Variants in DLGAP2 observed in about 807,000 individuals in gnomAD.
DLGAP2 encodes the protein DLG associated protein 2, also known as disks large-associated protein 2.
In DLGAP2, 26 loss-of-function variants were observed where a neutral mutation model predicts 100.3. That is an observed-to-expected ratio of 0.26 (90% CI 0.19 to 0.36). The LOEUF (loss-of-function observed/expected upper bound fraction) is 0.36. Among genes scored for constraint, DLGAP2 ranks in the 10% least tolerant of loss-of-function variants. DLGAP2 has a pLI of 1.00. For missense variants in DLGAP2, 1,858 were observed against 1,453.2 expected, an observed-to-expected ratio of 1.28 and a Z score of -4.53; for synonymous variants, 886 against 630.1, an observed-to-expected ratio of 1.41 and a Z score of -6.08.
intron 1 of DLGAP2, among the ~76,000 whole-genome samples, chr8:856,126 C>T (rs915067448): frequency 1.3e-5 from 2 of 148,732 alleles, no homozygotes. Context: ...CAACAGATGA[C>T]ATGATTATTT....
intron 2 of DLGAP2, among the ~76,000 whole-genome samples, chr8:1,076,962 G>A (rs1328828765): frequency 3.1e-4 from 46 of 146,102 alleles, no homozygotes; most frequent in Non-Finnish European, 3.0e-5. Flanking sequence ...AAGACCAAGA[G>A]GGGGAGGAGG....
At chr8:761,008 T>A (rs529764233) in intron 1 of DLGAP2, among the ~76,000 whole-genome samples, 1 of 152,310 alleles carries the variant, frequency 6.6e-6, no homozygotes, top group South Asian at 2.1e-4. Flanking sequence ...GGGGGACATA[T>A]GAGGACTGGC....
chr8:1,701,384 C>A lies in DLGAP2; in HGVS notation c.3146C>A (p.Pro1049His). Residue 1049 changes from proline to histidine, a missense_variant, in exon 15 of 15, where the codon CCC becomes CAC. By Grantham distance (77) the Pro-to-His change is moderately conservative. Transcript: ENST00000637795. ...ERADSIEIYI[P>H]EAQTRL The stretch of plus-strand genomic sequence containing the variant: ...GCGGACAGCATCGAGATCTACATCC[C>A]CGAGGCCCAGACCCGGCTCTGAGGG... The A allele has an allele frequency of 6.3e-7, 1 of 1,596,168 alleles. No homozygotes were observed. The highest frequency in any genetic ancestry group is 2.3e-5 in the East Asian group (1 of 43,908).
At chr8:1,405,395 G>A (rs1796556693) in intron 3 of DLGAP2, among the ~76,000 whole-genome samples, 1 of 17,194 alleles carries the variant, frequency 5.8e-5, no homozygotes, top group Non-Finnish European at 1.1e-4. Flanking sequence ...TCGTCCTCCA[G>A]AGTCGTGTAT....
chr8:1,497,518 G>A (rs1007749442), intron 3 of DLGAP2, among the ~76,000 whole-genome samples: 2 of 152,140 alleles, frequency 1.3e-5, no homozygotes, highest in Admixed American at 6.5e-5. Context: ...TCCCTTATAC[G>A]AGGAGGCCAG....
At chr8:1,326,475 G>C (rs191440345) in intron 3 of DLGAP2, among the ~76,000 whole-genome samples, 1 of 151,406 alleles carries the variant, frequency 6.6e-6, no homozygotes, top group Admixed American at 6.6e-5. Context: ...CATGGCACGC[G>C]CTCGGTCTCG....
At chr8:1,198,350 G>C (rs184616649) in intron 2 of DLGAP2, among the ~76,000 whole-genome samples, 1 of 152,176 alleles carries the variant, frequency 6.6e-6, no homozygotes, top group Non-Finnish European at 1.5e-5. Flanking sequence ...CAACAGCTTC[G>C]TCGTGGGGCG....
At chr8:1,335,832 A>C (rs1382352049) in intron 3 of DLGAP2, among the ~76,000 whole-genome samples, 1 of 152,228 alleles carries the variant, frequency 6.6e-6, no homozygotes, top group African/African-American at 2.4e-5. Context: ...GATAAATAAG[A>C]AAATGTGGCT....
intron 2 of DLGAP2, among the ~76,000 whole-genome samples, chr8:1,196,516 T>C (rs771059618): frequency 6.6e-6 from 1 of 152,206 alleles, no homozygotes; most frequent in Non-Finnish European, 1.5e-5. Context: ...GAACAAGTCG[T>C]CTGTGATTTT....
At chr8:750,793 T>C (rs1306122542) in intron 1 of DLGAP2, among the ~76,000 whole-genome samples, 1 of 152,228 alleles carries the variant, frequency 6.6e-6, no homozygotes, top group Non-Finnish European at 1.5e-5. Flanking sequence ...TATAATGAGA[T>C]GTAGATTCCC....
At chr8:987,067 T>C (rs1266276330) in intron 2 of DLGAP2, among the ~76,000 whole-genome samples, 1 of 152,218 alleles carries the variant, frequency 6.6e-6, no homozygotes, top group African/African-American at 2.4e-5. Context: ...AATTTGATTT[T>C]TTTCTGCTTC....
At chr8:1,150,030 G>T (rs1796671460) in intron 2 of DLGAP2, among the ~76,000 whole-genome samples, 2 of 152,186 alleles carry the variant, frequency 1.3e-5, no homozygotes, top group African/African-American at 4.8e-5. Flanking sequence ...TTGTGTGGTT[G>T]ATATTTAGAT....
chr8:1,349,257 A>G (rs1801645533), intron 3 of DLGAP2, among the ~76,000 whole-genome samples: 1 of 151,628 alleles, frequency 6.6e-6, no homozygotes, highest in Non-Finnish European at 1.5e-5. Context: ...TAGGTGTTTG[A>G]GGGGGCACTA....
At chr8:949,251 C>T (rs1799413931) in intron 2 of DLGAP2, among the ~76,000 whole-genome samples, 1 of 152,114 alleles carries the variant, frequency 6.6e-6, no homozygotes, top group African/African-American at 2.4e-5. Context: ...TGCCATTTGT[C>T]GGCAGGAAAA....
intron 2 of DLGAP2, among the ~76,000 whole-genome samples, chr8:921,053 CTT>C (rs35567405): frequency 1.3e-5 from 2 of 152,218 alleles, no homozygotes; most frequent in Admixed American, 6.5e-5. Flanking sequence ...ACATTTCACT[CTT>C]TGTAACTTCG....
At chr8:1,230,334 T>C (rs1460621804) in intron 2 of DLGAP2, among the ~76,000 whole-genome samples, 3 of 152,146 alleles carry the variant, frequency 2.0e-5, no homozygotes, top group Non-Finnish European at 4.4e-5. Context: ...CACGGAGAAC[T>C]ATAAAACACT....
chr8:754,526 C>T (rs955214796), intron 1 of DLGAP2, among the ~76,000 whole-genome samples: 6 of 152,322 alleles, frequency 3.9e-5, no homozygotes, highest in African/African-American at 9.6e-5. Flanking sequence ...AATAATATTA[C>T]TTAGACGTCC....
intron 5 of DLGAP2, among the ~76,000 whole-genome samples, chr8:1,563,180 T>C (rs1161569272): frequency 4.3e-5 from 2 of 46,162 alleles, no homozygotes; most frequent in African/African-American, 1.6e-4. Context: ...TGGGGGGCTG[T>C]GTGGTGTTGG....
In DLGAP2 at chr8:1,678,449, C is replaced by G. The variant is rs1472749244; in HGVS notation, c.2524C>G (p.Leu842Val). The stretch of plus-strand genomic sequence containing the variant: ...TCGGACCCAAGTGGACACCTCCACC[C>G]TGCCCCCTCCAGACCCCTGGCTGGA... ...DYRTQVDTST[L>V]PPPDPWLEPA... Residue 842 changes from leucine (L) to valine (V), a missense_variant, in exon 12 of 15, where the codon CTG becomes GTG. Coordinates refer to ENST00000637795, the MANE Select transcript of DLGAP2 (RefSeq NM_001346810.2). 1.2e-6 allele frequency: 2 copies of G among 1,613,576 alleles called. No homozygotes were observed. Among genetic ancestry groups the G allele is most frequent in the Non-Finnish European group, 1.7e-6 (2 of 1,179,754 alleles).
Sources: allele counts gnomAD v4.1 joint callset (sites outside exome capture counted in the v4.1 genomes callset), GRCh38; gene constraint gnomAD v4.1.1; transcripts MANE v1.5; gene names NCBI Gene and HGNC (gene_info 2026-07-23, HGNC 2026-07-21).